Variants in LPAR1 observed in about 807,000 individuals in gnomAD.
LPAR1 encodes the protein lysophosphatidic acid receptor 1, also known as LPA receptor 1.
Under a neutral mutation model 23.8 loss-of-function variants are expected in LPAR1, and 5 were observed. The observed-to-expected ratio is 0.21, with a 90% CI of 0.11 to 0.44. LPAR1 has a LOEUF of 0.44. LPAR1 is among the 20% of genes least tolerant of loss of function. The pLI, the probability that LPAR1 is intolerant of heterozygous loss-of-function variation, is 0.99. For missense variants in LPAR1, 311 were observed against 482.8 expected, an observed-to-expected ratio of 0.64 and a Z score of 3.33; for synonymous variants, 160 against 164.7, an observed-to-expected ratio of 0.97 and a Z score of 0.22.
At chr9:110,930,274 G>A (rs1362598930) in intron 5 of LPAR1, among the ~76,000 whole-genome samples, 2 of 152,094 alleles carry the variant, frequency 1.3e-5, no homozygotes, top group East Asian at 3.9e-4. Flanking sequence ...CCAGCACTTT[G>A]GGAGGCTGAG....
intron 2 of LPAR1, among the ~76,000 whole-genome samples, chr9:111,029,307 T>C (rs922517520): frequency 1.3e-5 from 2 of 152,168 alleles, no homozygotes; most frequent in South Asian, 2.1e-4. Context: ...GTTTTAGACA[T>C]GTCTAAAACT....
At chr9:110,895,525 C>A (rs900006199) in intron 5 of LPAR1, among the ~76,000 whole-genome samples, 1 of 152,162 alleles carries the variant, frequency 6.6e-6, no homozygotes, top group African/African-American at 2.4e-5. Context: ...ATGACAGGGC[C>A]TGACCTAGTT....
At chr9:110,896,934 C>T (rs1440291454) in intron 5 of LPAR1, among the ~76,000 whole-genome samples, 2 of 151,802 alleles carry the variant, frequency 1.3e-5, no homozygotes, top group East Asian at 3.9e-4. Flanking sequence ...ACTACAGGCG[C>T]CTGCCACCAC....
intron 5 of LPAR1, among the ~76,000 whole-genome samples, chr9:110,924,507 TC>T (rs1001049959): frequency 3.3e-5 from 5 of 151,956 alleles, no homozygotes; most frequent in African/African-American, 9.7e-5. Context: ...TTCTTTTTTT[TC>T]CTTAATGAAT....
At chr9:110,916,534 T>C (rs1393342419) in intron 5 of LPAR1, among the ~76,000 whole-genome samples, 1 of 152,202 alleles carries the variant, frequency 6.6e-6, no homozygotes, top group Non-Finnish European at 1.5e-5. Context: ...GAATAATAAG[T>C]ATTGCATGCA....
chr9:111,021,742 C>A (rs2097563787), intron 2 of LPAR1, among the ~76,000 whole-genome samples: 1 of 151,984 alleles, frequency 6.6e-6, no homozygotes, highest in South Asian at 2.1e-4. Context: ...GGGTGGATCA[C>A]CTGAGGTCAG....
At chr9:110,971,973 TATAC>T in intron 4 of LPAR1, 96 bp downstream of exon 4, 2 of 980,424 alleles carry the variant, frequency 2.0e-6, no homozygotes, top group Non-Finnish European at 3.3e-6. Flanking sequence ...GCGAGAGAGA[TATAC>T]ATGATCCCTA....
intron 4 of LPAR1, among the ~76,000 whole-genome samples, chr9:110,968,872 T>C (rs572622747): frequency 1.3e-5 from 2 of 152,256 alleles, no homozygotes; most frequent in East Asian, 3.9e-4. Flanking sequence ...ATTTCCGCCT[T>C]AAAATAACCC....
chr9:110,929,226 GCCATGA>G lies in LPAR1; in HGVS notation c.793+12189_793+12194del, dbSNP rs1488942461. On this transcript the variant is annotated intron_variant, in intron 5 of 5. Coordinates refer to ENST00000683809, the MANE Select transcript of LPAR1 (RefSeq NM_001351411.2). Reference sequence around the variant, plus strand: ...GGAGCCCTGCCAGGGTTTAAGTAAAGCCATGACCACATTCAGTCTAGACACTATCAT... The same window carrying G: ...GGAGCCCTGCCAGGGTTTAAGTAAAGCCACATTCAGTCTAGACACTATCAT... 3.3e-5 allele frequency among the ~76,000 whole-genome samples: 5 copies of G among 152,128 alleles called. No homozygotes were observed. In the East Asian group the frequency reaches 9.6e-4, roughly 29 times the overall value.
At chr9:110,965,337 G>T (rs1191755909) in intron 4 of LPAR1, among the ~76,000 whole-genome samples, 1 of 152,094 alleles carries the variant, frequency 6.6e-6, no homozygotes, top group Non-Finnish European at 1.5e-5. Flanking sequence ...TTGTGAACAG[G>T]CAACCTACAG....
At chr9:110,986,971 G>A (rs2139376525) in intron 2 of LPAR1, among the ~76,000 whole-genome samples, 1 of 151,588 alleles carries the variant, frequency 6.6e-6, no homozygotes, top group East Asian at 1.9e-4. Context: ...AGGAAAATAG[G>A]CGCTCAAATG....
chr9:110,916,120 C>T (rs2093060906), intron 5 of LPAR1, among the ~76,000 whole-genome samples: 2 of 152,164 alleles, frequency 1.3e-5, no homozygotes, highest in Admixed American at 1.3e-4. Flanking sequence ...ATGTAGCATG[C>T]AATAGCCAGT....
chr9:111,002,367 A>C (rs966912118), intron 2 of LPAR1, among the ~76,000 whole-genome samples: 3 of 147,310 alleles, frequency 2.0e-5, no homozygotes, highest in African/African-American at 7.5e-5. Context: ...ACCAATTTTA[A>C]ACTTCTAAAC....
At position 110,972,097 on chromosome 9, in the gene LPAR1, G is replaced by A. The variant is rs561484562; in HGVS notation, c.21C>T (p.Ser7=). Residue 7 remains serine, a synonymous_variant, in exon 4 of 6, where the codon TCC becomes TCT. Transcript: ENST00000683809. MAAIST[S]IPVISQPQFT... ...CCTGGGGCTGTGAAATTACAGGGAT[G>A]GAAGTAGAGATGGCAGCCATGACAG... 4.3e-6 allele frequency: 7 copies of A among 1,613,988 alleles called. No individual in the cohort carries two copies. In the Admixed American group the frequency reaches 6.7e-5, roughly 15 times the overall value.
chr9:111,014,974 G>C (rs1410506814), intron 2 of LPAR1, among the ~76,000 whole-genome samples: 5 of 151,916 alleles, frequency 3.3e-5, no homozygotes, highest in Non-Finnish European at 7.4e-5. Flanking sequence ...AAGTTAGAAT[G>C]AGGTCATTAG....
At chr9:110,900,912 T>C (rs2088652929) in intron 5 of LPAR1, among the ~76,000 whole-genome samples, 1 of 152,216 alleles carries the variant, frequency 6.6e-6, no homozygotes, top group South Asian at 2.1e-4. Flanking sequence ...TGCCAAGGGC[T>C]AGGGCATCTT....
At chr9:110,891,218 T>C (rs2084062960) in intron 5 of LPAR1, among the ~76,000 whole-genome samples, 1 of 150,486 alleles carries the variant, frequency 6.6e-6, no homozygotes, top group African/African-American at 2.5e-5. Context: ...CATATATAAA[T>C]TAAAGTACAA....
At chr9:110,902,127 AAGCCCAGTGTTTCTAG>A (rs1355442063) in intron 5 of LPAR1, among the ~76,000 whole-genome samples, 1 of 152,100 alleles carries the variant, frequency 6.6e-6, no homozygotes, top group Non-Finnish European at 1.5e-5. Context: ...AAGGTCACCC[AAGCCCAGTGTTTCTAG>A]AGCCTCAATC....
intron 2 of LPAR1, among the ~76,000 whole-genome samples, chr9:110,990,483 T>G (rs1274618524): frequency 6.6e-6 from 1 of 152,134 alleles, no homozygotes; most frequent in Non-Finnish European, 1.5e-5. Context: ...TATCTGTATA[T>G]ACCTTATAAA....
Sources: allele counts gnomAD v4.1 joint callset (sites outside exome capture counted in the v4.1 genomes callset), GRCh38; gene constraint gnomAD v4.1.1; transcripts MANE v1.5; gene names NCBI Gene and HGNC (gene_info 2026-07-23, HGNC 2026-07-21).